The following CNTN5 variants were observed in gnomAD, a reference collection of about 807,000 sequenced individuals.
CNTN5 encodes the protein contactin 5, also known as contactin-5.
A neutral mutation model predicts 129.1 loss-of-function variants in CNTN5; 77 were observed. The observed-to-expected ratio is 0.60, with a 90% confidence interval of 0.50 to 0.72. The LOEUF is 0.72. Among genes scored for constraint, CNTN5 ranks in the 30% least tolerant of loss-of-function variants. CNTN5 has a pLI of 0.00. For synonymous variants in CNTN5, 509 were observed against 465.6 expected, an observed-to-expected ratio of 1.09 and a Z score of -1.20; for missense variants, 1,478 against 1,328.8, an observed-to-expected ratio of 1.11 and a Z score of -1.75.
At chr11:99,689,459 G>A (rs1591483067) in intron 3 of CNTN5, among the ~76,000 whole-genome samples, 1 of 146,864 alleles carries the variant, frequency 6.8e-6, no homozygotes, top group East Asian at 2.0e-4. Context: ...CCCGGGAGGT[G>A]GAGCTTGCAG....
intron 21 of CNTN5, among the ~76,000 whole-genome samples, chr11:100,323,829 T>C (rs1046820247): frequency 6.6e-6 from 1 of 152,170 alleles, no homozygotes; most frequent in Non-Finnish European, 1.5e-5. Flanking sequence ...TTTGAACATC[T>C]TAAGATGGAT....
In CNTN5 at chr11:99,472,118, G is replaced by T. The variant is rs1945200004; in HGVS notation, c.-70-84027G>T. ...TCAACCTACACATCAAAGTTTCTCC[G>T]CTACTTCCCGATGATTTCCCCTGCA... On this transcript the variant is annotated intron_variant, in intron 2 of 24. Coordinates refer to ENST00000524871, the MANE Select transcript of CNTN5 (RefSeq NM_014361.4). Among the ~76,000 whole-genome samples the T allele has an allele frequency of 5.3e-5, 8 of 152,042 alleles. 1 individual carries two copies. The South Asian group carries it at 8.3e-4, about 16-fold the overall frequency.
chr11:99,489,237 C>G (rs1945939338), intron 2 of CNTN5, among the ~76,000 whole-genome samples: 1 of 151,964 alleles, frequency 6.6e-6, no homozygotes, highest in African/African-American at 2.4e-5. Context: ...GTAACTCAGC[C>G]AAAAAGTAGT....
chr11:99,395,802 C>G (rs1249361677), intron 2 of CNTN5, among the ~76,000 whole-genome samples: 1 of 151,920 alleles, frequency 6.6e-6, no homozygotes, highest in Non-Finnish European at 1.5e-5. Flanking sequence ...AATAGGTAGT[C>G]TTTTCCCCAT....
intron 3 of CNTN5, among the ~76,000 whole-genome samples, chr11:99,583,193 T>C (rs1949673199): frequency 6.6e-6 from 1 of 152,176 alleles, no homozygotes; most frequent in African/African-American, 2.4e-5. Flanking sequence ...AAGTTTTGTC[T>C]CAGAGGAGTA....
chr11:99,626,816 A>C (rs898875622), intron 3 of CNTN5, among the ~76,000 whole-genome samples: 4 of 152,164 alleles, frequency 2.6e-5, no homozygotes, highest in Non-Finnish European at 5.9e-5. Flanking sequence ...AAGGTGACAG[A>C]TGCCCCAAAT....
intron 13 of CNTN5, among the ~76,000 whole-genome samples, chr11:100,181,202 G>C (rs59742879): frequency 0.031 from 4,718 of 152,014 alleles, 245 homozygotes; most frequent in African/African-American, 0.11. Context: ...TACATCCATA[G>C]CATGGATCAC....
chr11:100,307,022 G>C (rs1951365646), intron 20 of CNTN5, among the ~76,000 whole-genome samples: 1 of 151,556 alleles, frequency 6.6e-6, no homozygotes, highest in Non-Finnish European at 1.5e-5. Context: ...TGCAAAGGTG[G>C]ACCAACCAAG....
At chr11:99,433,746 A>G (rs1320236476) in intron 2 of CNTN5, among the ~76,000 whole-genome samples, 1 of 152,162 alleles carries the variant, frequency 6.6e-6, no homozygotes, top group Admixed American at 6.6e-5. Flanking sequence ...AGTCAATTCA[A>G]TCAATACAGG....
At chr11:99,879,142 T>G (rs1371110412) in intron 6 of CNTN5, among the ~76,000 whole-genome samples, 1 of 151,936 alleles carries the variant, frequency 6.6e-6, no homozygotes, top group African/African-American at 2.4e-5. Context: ...TTCACCATGT[T>G]GGCCGGGCTG....
At chr11:99,481,213 T>C (rs961774700) in intron 2 of CNTN5, among the ~76,000 whole-genome samples, 6 of 152,168 alleles carry the variant, frequency 3.9e-5, no homozygotes. Flanking sequence ...CTTTTTAAAA[T>C]TTTCATCTTT....
At chr11:100,298,179 G>A (rs895186261) in intron 19 of CNTN5, among the ~76,000 whole-genome samples, 6 of 151,366 alleles carry the variant, frequency 4.0e-5, no homozygotes, top group Admixed American at 4.0e-4. Flanking sequence ...AAATGGAAAT[G>A]CCTGTTAGAG....
intron 3 of CNTN5, among the ~76,000 whole-genome samples, chr11:99,633,933 G>A (rs1233403003): frequency 6.6e-6 from 1 of 152,174 alleles, no homozygotes; most frequent in Non-Finnish European, 1.5e-5. Context: ...GTGCCAGCGG[G>A]CTGCAGATCA....
At chr11:100,123,153 AT>A (rs1946080703) in intron 13 of CNTN5, among the ~76,000 whole-genome samples, 1 of 151,968 alleles carries the variant, frequency 6.6e-6, no homozygotes. Flanking sequence ...GAATGTACTC[AT>A]CTTTGTCTCA....
At chr11:99,763,467 T>G (rs1000450755) in intron 3 of CNTN5, among the ~76,000 whole-genome samples, 17 of 152,138 alleles carry the variant, frequency 1.1e-4, no homozygotes, top group African/African-American at 4.1e-4. Flanking sequence ...GCTGATAAAT[T>G]AATAATTTTA....
At chr11:100,355,291 A>C (rs961029621) in intron 24 of CNTN5, among the ~76,000 whole-genome samples, 1 of 151,674 alleles carries the variant, frequency 6.6e-6, no homozygotes, top group Non-Finnish European at 1.5e-5. Flanking sequence ...AGGATCATCA[A>C]TATCAGTCTT....
At position 100,206,483 on chromosome 11, in the gene CNTN5, G is replaced by T. The variant is rs1211083865; in HGVS notation, c.1884+12820G>T. Among the ~76,000 whole-genome samples the T allele has an allele frequency of 3.3e-5, 5 of 152,072 alleles. No homozygotes were observed. In the East Asian group the frequency reaches 9.6e-4, roughly 29 times the overall value. On this transcript the variant is annotated intron_variant, in intron 15 of 24. Coordinates refer to ENST00000524871, the MANE Select transcript of CNTN5 (RefSeq NM_014361.4). ...ATACATAGCAAAAGTAAAGTTGCCA[G>T]ATTTTTCCAAATTAAATCCAGGGAT...
intron 1 of CNTN5, among the ~76,000 whole-genome samples, chr11:99,067,551 C>T (rs1447582404): frequency 6.6e-6 from 1 of 151,876 alleles, no homozygotes; most frequent in Non-Finnish European, 1.5e-5. Context: ...AGGAAAGTGC[C>T]ATGTACAGTA....
At chr11:99,520,922 G>T (rs1034726958) in intron 2 of CNTN5, among the ~76,000 whole-genome samples, 3 of 152,098 alleles carry the variant, frequency 2.0e-5, no homozygotes, top group African/African-American at 7.2e-5. Flanking sequence ...CCATGGTAGA[G>T]GTAAATGGCT....
Sources: gnomAD v4.1 joint callset for allele counts (sites outside exome capture counted in the v4.1 genomes callset) on GRCh38, gnomAD v4.1.1 for gene constraint, MANE v1.5 for transcripts, NCBI Gene and HGNC (gene_info 2026-07-23, HGNC 2026-07-21) for gene names.